The following LINGO2 variants were observed in gnomAD, a reference collection of about 807,000 sequenced individuals.
LINGO2 encodes leucine rich repeat and Ig domain containing 2.
A neutral mutation model predicts 30.6 loss-of-function variants in LINGO2; 14 were observed. The ratio of observed to expected loss-of-function variants is 0.46; its 90% CI spans 0.30 to 0.72. The LOEUF is 0.72. Among genes scored for constraint, LINGO2 ranks in the 30% least tolerant of loss-of-function variants. The pLI is 0.07. For synonymous variants in LINGO2, 317 were observed against 288.5 expected (o/e 1.10, Z -1.00); for missense variants, 729 against 751.7 (o/e 0.97, Z 0.35).
intron 3 of LINGO2, among the ~76,000 whole-genome samples, chr9:28,354,646 C>G (rs2134465592): frequency 6.6e-6 from 1 of 152,274 alleles, no homozygotes; most frequent in South Asian, 2.1e-4. Flanking sequence ...TCCCCATCCC[C>G]TTAAACACAA....
the LINGO2 span, among the ~76,000 whole-genome samples, chr9:28,943,683 A>G: frequency 5.6e-5 from 6 of 107,386 alleles, no homozygotes. Context: ...AAACGAATTG[A>G]AAAAAGTAAC....
the LINGO2 span, among the ~76,000 whole-genome samples, chr9:28,916,211 C>G: frequency 2.6e-5 from 4 of 152,084 alleles, no homozygotes; most frequent in Admixed American, 2.0e-4. Context: ...ACAGCAGGCC[C>G]CGAGAGAAAT....
chr9:28,846,704 C>A, the LINGO2 span, among the ~76,000 whole-genome samples: 1 of 147,372 alleles, frequency 6.8e-6, no homozygotes, highest in Non-Finnish European at 1.5e-5. Context: ...TAATTACCAT[C>A]TCTGGGCCCA....
At position 28,307,561 on chromosome 9, in the gene LINGO2, T is replaced by G. The variant is rs564275560; in HGVS notation, c.-245-12195A>C. On this transcript the variant is annotated intron_variant, in intron 3 of 5. Transcript: ENST00000379992. ...CTCTCACCACTCCTATTCAACACAGTGTTGGAAGTTCTCGCCAGGGCAATT... is the reference window on the plus strand; with the variant it reads ...CTCTCACCACTCCTATTCAACACAGGGTTGGAAGTTCTCGCCAGGGCAATT... Among the ~76,000 whole-genome samples, 3 of 152,230 alleles carry G rather than the reference T, an allele frequency of 2.0e-5. No homozygotes were observed. The South Asian group carries it at 6.2e-4, about 32-fold the overall frequency.
chr9:29,187,169 C>T, the LINGO2 span, among the ~76,000 whole-genome samples: 2 of 152,148 alleles, frequency 1.3e-5, no homozygotes, highest in Admixed American at 1.3e-4. Flanking sequence ...ATAAAATTTT[C>T]CTTCACAATC....
At chr9:29,033,129 A>G in the LINGO2 span, among the ~76,000 whole-genome samples, 15 of 152,008 alleles carry the variant, frequency 9.9e-5, no homozygotes, top group Non-Finnish European at 2.1e-4. Flanking sequence ...TTATTCTTCA[A>G]TTGAATTATT....
At chr9:28,517,383 C>G (rs1344352303) in intron 1 of LINGO2, among the ~76,000 whole-genome samples, 1 of 152,142 alleles carries the variant, frequency 6.6e-6, no homozygotes, top group African/African-American at 2.4e-5. Flanking sequence ...AATGCTAGAG[C>G]ACTAACCTCT....
chr9:28,987,503 G>C, the LINGO2 span, among the ~76,000 whole-genome samples: 1 of 151,468 alleles, frequency 6.6e-6, no homozygotes, highest in East Asian at 1.9e-4. Context: ...TTAGTTTATT[G>C]ACCTTTTGTA....
the LINGO2 span, among the ~76,000 whole-genome samples, chr9:29,139,582 C>T: frequency 6.6e-6 from 1 of 152,046 alleles, no homozygotes; most frequent in Non-Finnish European, 1.5e-5. Flanking sequence ...TCAACAACAA[C>T]ATATGGATCA....
the LINGO2 span, among the ~76,000 whole-genome samples, chr9:29,180,915 CAGAG>C: frequency 6.6e-6 from 1 of 152,064 alleles, no homozygotes; most frequent in African/African-American, 2.4e-5. Context: ...CAAAATTTCT[CAGAG>C]AGGAAAAGGT....
chr9:28,381,206 A>G (rs188643512), intron 2 of LINGO2, among the ~76,000 whole-genome samples: 1 of 152,160 alleles, frequency 6.6e-6, no homozygotes, highest in Non-Finnish European at 1.5e-5. Flanking sequence ...CAGAGCAAAA[A>G]AAACAAAAAA....
At chr9:28,076,858 T>A (rs1825638157) in intron 4 of LINGO2, among the ~76,000 whole-genome samples, 1 of 152,150 alleles carries the variant, frequency 6.6e-6, no homozygotes. Flanking sequence ...GGGAGCCATC[T>A]TTTCCCCTCT....
chr9:28,876,638 T>C, the LINGO2 span, among the ~76,000 whole-genome samples: 19,460 of 152,010 alleles, frequency 0.13, 1,711 homozygotes, highest in African/African-American at 0.25. Context: ...ATTTTCTTAA[T>C]CCAGTCTATC....
chr9:28,029,994 G>C (rs1414453708), intron 4 of LINGO2, among the ~76,000 whole-genome samples: 1 of 152,128 alleles, frequency 6.6e-6, no homozygotes, highest in Non-Finnish European at 1.5e-5. Flanking sequence ...TAGAATCCCA[G>C]AAATCAGAGA....
At chr9:28,140,845 G>C (rs929948055) in intron 4 of LINGO2, among the ~76,000 whole-genome samples, 1 of 151,820 alleles carries the variant, frequency 6.6e-6, no homozygotes, top group East Asian at 1.9e-4. Flanking sequence ...ACAGGTCTTG[G>C]CACAAGATAC....
intron 2 of LINGO2, among the ~76,000 whole-genome samples, chr9:28,403,396 C>G (rs892751211): frequency 3.3e-5 from 5 of 152,120 alleles, no homozygotes; most frequent in African/African-American, 1.2e-4. Flanking sequence ...TATAAGGTGG[C>G]TATTTCTCAT....
At chr9:28,232,535 T>C (rs1308826152) in intron 4 of LINGO2, among the ~76,000 whole-genome samples, 3 of 152,126 alleles carry the variant, frequency 2.0e-5, no homozygotes, top group Non-Finnish European at 4.4e-5. Flanking sequence ...TTTTGTTATA[T>C]GTAAACATTG....
chr9:28,730,371 T>A, the LINGO2 span, among the ~76,000 whole-genome samples: 1 of 152,136 alleles, frequency 6.6e-6, no homozygotes, highest in Non-Finnish European at 1.5e-5. Context: ...GGACGAGAGT[T>A]GGGCAAAGAG....
intron 4 of LINGO2, among the ~76,000 whole-genome samples, chr9:28,206,225 G>T (rs536049188): frequency 2.7e-5 from 4 of 148,890 alleles, no homozygotes; most frequent in African/African-American, 9.8e-5. Context: ...AGGAATTTGA[G>T]TGTTTGACCT....
Sources: allele counts gnomAD v4.1 joint callset (sites outside exome capture counted in the v4.1 genomes callset), GRCh38; gene constraint gnomAD v4.1.1; transcripts MANE v1.5; gene names NCBI Gene and HGNC (gene_info 2026-07-23, HGNC 2026-07-21).